The following HS6ST2 variants were observed in gnomAD, a reference collection of about 807,000 sequenced individuals.
HS6ST2 encodes the protein heparan-sulfate 6-O-sulfotransferase 2.
Under a neutral mutation model 33.0 loss-of-function variants are expected in HS6ST2, and 17 were observed. That is an observed-to-expected ratio of 0.52 (90% CI 0.35 to 0.77). HS6ST2 has a LOEUF of 0.77. HS6ST2 is among the 30% of genes least tolerant of loss of function. The probability of loss-of-function intolerance (pLI) is 0.01; values close to 1 mark genes in which losing one functional copy is unlikely to be tolerated. For synonymous variants in HS6ST2, 248 were observed against 237.1 expected, an observed-to-expected ratio of 1.05 and a Z score of -0.42; for missense variants, 519 against 551.7, an observed-to-expected ratio of 0.94 and a Z score of 0.59.
At chrX:132,773,578 T>G (rs2064928191) in intron 2 of HS6ST2, among the ~76,000 whole-genome samples, 1 of 111,393 alleles carries the variant, frequency 9.0e-6, no homozygotes, top group Admixed American at 9.7e-5. Context: ...ATAACCCAAA[T>G]GTCCATCAAT....
At chrX:132,892,686 G>A (rs1201336701) in intron 2 of HS6ST2, among the ~76,000 whole-genome samples, 1 of 111,612 alleles carries the variant, frequency 9.0e-6, no homozygotes. Context: ...GGGCGTGGGT[G>A]TGCATGTCTG....
rs10126486 is a variant in HS6ST2 at position 132,931,606 on chromosome X, C to G, written c.947+25202G>C. On this transcript the variant is annotated intron_variant, in intron 2 of 4. Transcript: ENST00000370833. ...AAGACCCCTGTCCTTGCCTCCAACT[C>G]CAAAGCAATGGCTCAGACACTGTAC... is the stretch of plus-strand genomic sequence containing the variant. 4.5e-5 allele frequency among the ~76,000 whole-genome samples: 5 copies of G among 111,803 alleles called. No individual in the cohort carries two copies. The Admixed American group carries it at 4.8e-4, about 11-fold the overall frequency.
chrX:132,835,637 A>G (rs2065634107), intron 2 of HS6ST2, among the ~76,000 whole-genome samples: 1 of 112,531 alleles, frequency 8.9e-6, no homozygotes, highest in African/African-American at 3.2e-5. Flanking sequence ...GAAATCTGTT[A>G]TAAACATTTT....
chrX:132,667,174 C>A (rs2063816090), intron 4 of HS6ST2, among the ~76,000 whole-genome samples: 1 of 111,776 alleles, frequency 8.9e-6, no homozygotes, highest in Non-Finnish European at 1.9e-5. Context: ...AAAGAAAAAT[C>A]TCCTGAAAAC....
intron 3 of HS6ST2, among the ~76,000 whole-genome samples, chrX:132,679,060 G>A (rs2063947136): frequency 8.9e-6 from 1 of 112,049 alleles, no homozygotes; most frequent in African/African-American, 3.3e-5. Flanking sequence ...TGTATTCAAG[G>A]TAAGTATCCA....
intron 3 of HS6ST2, among the ~76,000 whole-genome samples, chrX:132,678,999 A>G (rs1258482143): frequency 8.9e-6 from 1 of 112,094 alleles, no homozygotes; most frequent in Non-Finnish European, 1.9e-5. Flanking sequence ...CTAGAAATAT[A>G]GAGTTAGAGG....
chrX:132,866,596 T>A (rs2065985233), intron 2 of HS6ST2, among the ~76,000 whole-genome samples: 1 of 82,920 alleles, frequency 1.2e-5, no homozygotes, highest in South Asian at 7.1e-4. Flanking sequence ...CGATATTGAT[T>A]CTTCCTATCC....
intron 4 of HS6ST2, among the ~76,000 whole-genome samples, chrX:132,642,740 T>C (rs2063610568): frequency 8.9e-6 from 1 of 112,274 alleles, no homozygotes; most frequent in African/African-American, 3.2e-5. Flanking sequence ...GAATGTGATG[T>C]CACACTGGGG....
chrX:132,948,328 GAAAAAT>G (rs1361574852), intron 2 of HS6ST2, among the ~76,000 whole-genome samples: 1 of 111,927 alleles, frequency 8.9e-6, no homozygotes, highest in East Asian at 2.8e-4. Context: ...AGTTTAATCA[GAAAAAT>G]ACATTTATTG....
At position 132,958,307 on chromosome X, in the gene HS6ST2, T is replaced by C; in HGVS notation, c.296A>G (p.His99Arg). The change falls in exon 1 of 5, where the codon CAC becomes CGC. Residue 99 changes from histidine to arginine, a missense_variant. His to Arg is a conservative substitution (Grantham distance 29). Transcript: ENST00000370833. ...CAGGTCCCAGCGTCGCCTGAGGACG[T>C]GCATCCGCCTGCGGCGGCCCCGGGA... ...LLSRGRRRRM[H>R]VLRRRWDLGS... 1 of 1,194,879 alleles carries C rather than the reference T, an allele frequency of 8.4e-7. No individual in the cohort carries two copies. The highest frequency in any genetic ancestry group is 1.1e-6 in the Non-Finnish European group (1 of 892,341).
intron 2 of HS6ST2, among the ~76,000 whole-genome samples, chrX:132,733,451 C>T (rs372357195): frequency 9.1e-6 from 1 of 110,224 alleles, no homozygotes; most frequent in Non-Finnish European, 1.9e-5. Context: ...AGCTACGGGT[C>T]TCTTTTGCTT....
At chrX:132,848,982 C>T (rs2065777196) in intron 2 of HS6ST2, among the ~76,000 whole-genome samples, 1 of 111,351 alleles carries the variant, frequency 9.0e-6, no homozygotes, top group Admixed American at 9.6e-5. Context: ...ATTGGGTGTG[C>T]ACAGGGGAAA....
At chrX:132,692,062 A>G (rs1424824918) in intron 3 of HS6ST2, among the ~76,000 whole-genome samples, 2 of 112,056 alleles carry the variant, frequency 1.8e-5, no homozygotes, top group Non-Finnish European at 3.8e-5. Context: ...TTGTTTATAG[A>G]ACAATTTATG....
rs373907912 is a variant in HS6ST2 at position 132,643,199 on chromosome X, CT to C, written c.1068-14107del. Among the ~76,000 whole-genome samples, 623 of 106,168 alleles carry C rather than the reference CT, an allele frequency of 5.9e-3. 5 individuals are homozygous for C. The highest frequency in any genetic ancestry group is 0.02 in the African/African-American group (580 of 29,493). 92.2% of individuals were successfully genotyped at this position (106,168 alleles called of 115,157 possible). ...TCCATAATTTTTGACAGAATAGAAT[CT>C]TTTTTTTTTTAAAGGGGCACTTTAC... On this transcript the variant is annotated intron_variant, in intron 4 of 4. Transcript: ENST00000370833.
At chrX:132,829,160 A>G (rs1391253679) in intron 2 of HS6ST2, among the ~76,000 whole-genome samples, 8 of 94,530 alleles carry the variant, frequency 8.5e-5, no homozygotes, top group Non-Finnish European at 1.5e-4. Context: ...CTTGTGTTGG[A>G]TCCTGTAGGT....
chrX:132,810,237 CTCTG>C (rs981040160), intron 2 of HS6ST2, among the ~76,000 whole-genome samples: 1 of 109,920 alleles, frequency 9.1e-6, no homozygotes, highest in Non-Finnish European at 1.9e-5. Flanking sequence ...GACACCTCAT[CTCTG>C]TAATTTTTTT....
At chrX:132,818,103 A>C (rs1003074186) in intron 2 of HS6ST2, among the ~76,000 whole-genome samples, 5 of 111,614 alleles carry the variant, frequency 4.5e-5, no homozygotes, top group Non-Finnish European at 9.4e-5. Flanking sequence ...ACCTAGGTGA[A>C]GAGCCCAATT....
At chrX:132,726,182 C>A (rs748176377) in intron 2 of HS6ST2, among the ~76,000 whole-genome samples, 7 of 111,362 alleles carry the variant, frequency 6.3e-5, no homozygotes, top group Non-Finnish European at 9.4e-5. Context: ...CTGTTTGTAA[C>A]ACAAAGGATA....
intron 2 of HS6ST2, among the ~76,000 whole-genome samples, chrX:132,926,557 T>C (rs2066712528): frequency 8.9e-6 from 1 of 112,722 alleles, no homozygotes; most frequent in Admixed American, 9.4e-5. Flanking sequence ...TGTCTATGCA[T>C]TGCAAATAAC....
Sources: allele counts gnomAD v4.1 joint callset (sites outside exome capture counted in the v4.1 genomes callset), GRCh38; gene constraint gnomAD v4.1.1; transcripts MANE v1.5; gene names NCBI Gene and HGNC (gene_info 2026-07-23, HGNC 2026-07-21).